Variants in ANKRD55 observed in about 807,000 individuals in gnomAD.
The protein encoded by ANKRD55 is ankyrin repeat domain-containing protein 55.
Under a neutral mutation model 60.6 loss-of-function variants are expected in ANKRD55, and 41 were observed. That is an observed-to-expected ratio of 0.68 (90% CI 0.53 to 0.88). ANKRD55 has a LOEUF of 0.88. ANKRD55 is among the 40% of genes least tolerant of loss of function. The pLI, the probability that ANKRD55 is intolerant of heterozygous loss-of-function variation, is 0.00. For missense variants in ANKRD55, 732 were observed against 767.6 expected, an observed-to-expected ratio of 0.95 and a Z score of 0.55; for synonymous variants, 264 against 290.3, an observed-to-expected ratio of 0.91 and a Z score of 0.92.
At chr5:56,206,468 T>C (rs1411178656) in intron 2 of ANKRD55, among the ~76,000 whole-genome samples, 1 of 152,224 alleles carries the variant, frequency 6.6e-6, no homozygotes, top group East Asian at 1.9e-4. Flanking sequence ...TTTTGGTATG[T>C]TGCATACACT....
In ANKRD55 at chr5:56,123,052, C is replaced by T. The variant is rs910029642; in HGVS notation, c.797+3870G>A. On this transcript the variant is annotated intron_variant, in intron 8 of 11. Transcript: ENST00000341048. The stretch of plus-strand genomic sequence containing the variant: ...AAGTGCTGGGATTACAGGTGTGAGC[C>T]TGGCCCACATTCCTATGAATGGGGT... Among the ~76,000 whole-genome samples, 7 of 152,230 alleles carry T rather than the reference C, an allele frequency of 4.6e-5. No homozygotes were observed. In the South Asian group the frequency reaches 1.0e-3, roughly 23 times the overall value.
intron 2 of ANKRD55, among the ~76,000 whole-genome samples, chr5:56,215,372 G>T (rs1342515786): frequency 6.6e-6 from 1 of 152,216 alleles, no homozygotes; most frequent in Non-Finnish European, 1.5e-5. Context: ...GACTGCCATG[G>T]AGACTGAATC....
chr5:56,113,036 C>T (rs894299291), intron 9 of ANKRD55, among the ~76,000 whole-genome samples: 8 of 152,040 alleles, frequency 5.3e-5, no homozygotes, highest in African/African-American at 1.2e-4. Flanking sequence ...AGGGCACTTC[C>T]GACGCTCAAG....
At chr5:56,223,691 C>T (rs1760029589) in intron 2 of ANKRD55, among the ~76,000 whole-genome samples, 1 of 152,090 alleles carries the variant, frequency 6.6e-6, no homozygotes, top group African/African-American at 2.4e-5. Flanking sequence ...GGTTGCAATC[C>T]TAGTCTCTGA....
intron 2 of ANKRD55, among the ~76,000 whole-genome samples, chr5:56,205,053 T>G (rs1329001097): frequency 8.3e-6 from 1 of 120,378 alleles, no homozygotes; most frequent in East Asian, 3.0e-4. Flanking sequence ...TAGACTTGTT[T>G]TCTTTTCTTT....
At chr5:56,109,072 CA>C (rs1392634796) in intron 10 of ANKRD55, among the ~76,000 whole-genome samples, 36 of 151,788 alleles carry the variant, frequency 2.4e-4, no homozygotes, top group African/African-American at 4.1e-4. Flanking sequence ...CACACACACA[CA>C]CACACACCCC....
chr5:56,188,158 A>G (rs1014335941), intron 2 of ANKRD55, among the ~76,000 whole-genome samples: 3 of 152,170 alleles, frequency 2.0e-5, no homozygotes, highest in Non-Finnish European at 4.4e-5. Flanking sequence ...TATCCTGGCC[A>G]TGGAGATGGA....
intron 2 of ANKRD55, among the ~76,000 whole-genome samples, chr5:56,226,634 T>A (rs1312918873): frequency 6.6e-6 from 1 of 151,986 alleles, no homozygotes; most frequent in East Asian, 1.9e-4. Context: ...CTTAAACAAA[T>A]TTACAAGAAA....
intron 5 of ANKRD55, among the ~76,000 whole-genome samples, chr5:56,162,882 C>T (rs1429679055): frequency 6.6e-6 from 1 of 152,168 alleles, no homozygotes; most frequent in Non-Finnish European, 1.5e-5. Context: ...CACTATATTG[C>T]CCAGGCTGGT....
intron 7 of ANKRD55, among the ~76,000 whole-genome samples, chr5:56,138,536 C>A (rs1392882927): frequency 6.6e-6 from 1 of 152,156 alleles, no homozygotes; most frequent in Non-Finnish European, 1.5e-5. Context: ...CAAAAAGCTG[C>A]ACACAGATGT....
chr5:56,198,641 C>T (rs1287984627), intron 2 of ANKRD55, among the ~76,000 whole-genome samples: 1 of 152,024 alleles, frequency 6.6e-6, no homozygotes, highest in Non-Finnish European at 1.5e-5. Context: ...TCACCCTTTT[C>T]TCAAAAACAA....
At chr5:56,180,416 C>T (rs1474488627) in intron 3 of ANKRD55, among the ~76,000 whole-genome samples, 1 of 152,174 alleles carries the variant, frequency 6.6e-6, no homozygotes, top group African/African-American at 2.4e-5. Context: ...TATTTCTATA[C>T]ACATTTTAGC....
intron 7 of ANKRD55, among the ~76,000 whole-genome samples, chr5:56,138,928 C>T (rs894339388): frequency 6.6e-6 from 1 of 152,076 alleles, no homozygotes; most frequent in South Asian, 2.1e-4. Flanking sequence ...ATACCTTTGT[C>T]CAATTCCACA....
At chr5:56,102,203 A>G (rs1756301957) in intron 11 of ANKRD55, among the ~76,000 whole-genome samples, 1 of 152,040 alleles carries the variant, frequency 6.6e-6, no homozygotes, top group Non-Finnish European at 1.5e-5. Flanking sequence ...CCTGGCCAAC[A>G]TGGCAAAACC....
chr5:56,108,820 C>T (rs146781257), intron 10 of ANKRD55, among the ~76,000 whole-genome samples: 4,910 of 152,254 alleles, frequency 0.032, 136 homozygotes, highest in Admixed American at 0.055. Flanking sequence ...GGACGGATCA[C>T]GAGGTCAGGA....
intron 7 of ANKRD55, among the ~76,000 whole-genome samples, chr5:56,128,573 C>T (rs1396017474): frequency 2.0e-5 from 3 of 152,206 alleles, no homozygotes; most frequent in Non-Finnish European, 2.9e-5. Flanking sequence ...CTGAATCTCA[C>T]TTATAGCACC....
chr5:56,165,193 G>A (rs1224937490), intron 5 of ANKRD55, among the ~76,000 whole-genome samples: 3 of 152,196 alleles, frequency 2.0e-5, no homozygotes, highest in Admixed American at 2.0e-4. Flanking sequence ...TACTGTTTAT[G>A]ATTAGGGGAA....
chr5:56,126,872 G>C (rs761048464), intron 8 of ANKRD55, 50 bp downstream of exon 8: 3 of 1,548,622 alleles, frequency 1.9e-6, no homozygotes, highest in South Asian at 1.2e-5. Context: ...TTAAGATTCA[G>C]TTAGGGGGAA....
intron 8 of ANKRD55, among the ~76,000 whole-genome samples, chr5:56,121,285 A>G (rs575869781): frequency 2.0e-5 from 3 of 152,288 alleles, no homozygotes; most frequent in African/African-American, 4.8e-5. Context: ...AATAGAAATT[A>G]GGTTAAATTA....
Sources: allele counts gnomAD v4.1 joint callset (sites outside exome capture counted in the v4.1 genomes callset), GRCh38; gene constraint gnomAD v4.1.1; transcripts MANE v1.5; gene names NCBI Gene and HGNC (gene_info 2026-07-23, HGNC 2026-07-21).